ARMC2: variants seen among roughly 807,000 people sequenced by gnomAD.
ARMC2 encodes the protein armadillo repeat containing 2, also known as armadillo repeat-containing protein 2.
In ARMC2, 67 loss-of-function variants were observed where a neutral mutation model predicts 90.3. The observed-to-expected ratio is 0.74, with a 90% CI of 0.61 to 0.91. The LOEUF is 0.91. ARMC2 is among the 40% of genes least tolerant of loss of function. ARMC2 has a pLI of 0.00. For missense variants in ARMC2, 920 were observed against 1,030.9 expected (o/e 0.89, Z 1.47); for synonymous variants, 393 against 393.0 (o/e 1.00, Z 0.00).
chr6:108,942,223 C>T (rs1269117927), intron 12 of ARMC2, among the ~76,000 whole-genome samples: 1 of 152,190 alleles, frequency 6.6e-6, no homozygotes, highest in Non-Finnish European at 1.5e-5. Context: ...TGCTTTGGCA[C>T]CTGTAAGGTG....
the ARMC2 span, among the ~76,000 whole-genome samples, chr6:109,003,292 A>G: frequency 6.7e-6 from 1 of 149,662 alleles, no homozygotes; most frequent in Admixed American, 6.7e-5. Flanking sequence ...TACTCATATA[A>G]TTCTACTCTC....
chr6:108,975,236 A>G (rs908416716), downstream of ARMC2, among the ~76,000 whole-genome samples: 5 of 151,576 alleles, frequency 3.3e-5, no homozygotes, highest in African/African-American at 1.2e-4. Context: ...GCTCCCACTT[A>G]TGAATGAGAA....
At position 108,896,892 on chromosome 6, in the gene ARMC2, CAATT is replaced by C. The variant is rs563012358; in HGVS notation, c.748+2352_748+2355del. Reference sequence around the variant, plus strand: ...ATTTAAGTGTGTTATAAATATGTATCAATTAAATAACTCGCCTGACTTATTTTCT... The same window carrying C: ...ATTTAAGTGTGTTATAAATATGTATCAAATAACTCGCCTGACTTATTTTCT... On this transcript the variant is annotated intron_variant, in intron 6 of 17. Transcript: ENST00000392644. Among the ~76,000 whole-genome samples, 636 of 152,278 alleles carry C rather than the reference CAATT, an allele frequency of 4.2e-3. 3 individuals carry two copies. The highest frequency in any genetic ancestry group is 0.014 in the African/African-American group (596 of 41,552).
At chr6:108,944,347 A>G (rs993834167) in intron 12 of ARMC2, among the ~76,000 whole-genome samples, 6 of 152,338 alleles carry the variant, frequency 3.9e-5, no homozygotes, top group African/African-American at 1.4e-4. Flanking sequence ...AGGATGGTAC[A>G]TTAGTCTTTT....
chr6:108,893,619 A>G (rs1771313668), intron 5 of ARMC2, among the ~76,000 whole-genome samples: 2 of 152,258 alleles, frequency 1.3e-5, no homozygotes, highest in Admixed American at 1.3e-4. Context: ...TTGCAAAGTA[A>G]ACTGGATTTT....
the ARMC2 span, chr6:109,009,702 C>A: frequency 3.0e-6 from 1 of 337,052 alleles, no homozygotes; most frequent in South Asian, 1.2e-4. Flanking sequence ...AACTGGCGGT[C>A]TGACGCGGCG....
intron 10 of ARMC2, among the ~76,000 whole-genome samples, chr6:108,923,494 T>G (rs1270366704): frequency 6.6e-6 from 1 of 152,080 alleles, no homozygotes; most frequent in Non-Finnish European, 1.5e-5. Flanking sequence ...CTTGTTTTCT[T>G]TTTTTTAATT....
chr6:108,971,074 A>C (rs1472039902), intron 17 of ARMC2, among the ~76,000 whole-genome samples: 2 of 151,950 alleles, frequency 1.3e-5, no homozygotes, highest in East Asian at 3.9e-4. Context: ...AACACAAAAA[A>C]TTAGCCTGGT....
rs1008737636 is a variant in ARMC2 at position 108,962,018 on chromosome 6, C to G, written c.2043C>G (p.Leu681=). The G allele has an allele frequency of 1.2e-6, 2 of 1,607,404 alleles. No homozygotes were observed. The highest frequency in any genetic ancestry group is 2.7e-5 in the African/African-American group (2 of 74,714). The change falls in exon 15 of 18, where the codon CTC becomes CTG. Residue 681 remains leucine (L), a synonymous_variant. Transcript: ENST00000392644. The part of the protein sequence containing the change: ...QDKKLYIAEL[L]LKLLVSNNMD... ...TTCTCTGGTCGCCAAATCCAGTGCT[C>G]TTAAAGCTTCTTGTCAGTAACAACA...
chr6:108,880,991 G>T (rs1340747999), intron 5 of ARMC2, among the ~76,000 whole-genome samples: 1 of 151,994 alleles, frequency 6.6e-6, no homozygotes, highest in African/African-American at 2.4e-5. Flanking sequence ...CTGTAGCTGG[G>T]ATTACAGGCA....
At chr6:108,979,741 T>C in the ARMC2 span, among the ~76,000 whole-genome samples, 1 of 151,842 alleles carries the variant, frequency 6.6e-6, no homozygotes, top group Admixed American at 6.6e-5. Context: ...TTTCATTGAG[T>C]TGATCTTCAA....
intron 4 of ARMC2, among the ~76,000 whole-genome samples, chr6:108,872,386 T>C (rs1453392208): frequency 6.6e-6 from 1 of 152,170 alleles, no homozygotes; most frequent in East Asian, 1.9e-4. Context: ...CAGCCATCCC[T>C]GTCACACTCT....
intron 4 of ARMC2, among the ~76,000 whole-genome samples, chr6:108,875,661 T>C (rs1411140154): frequency 6.6e-6 from 1 of 152,220 alleles, no homozygotes; most frequent in Non-Finnish European, 1.5e-5. Flanking sequence ...ACCTTATTTA[T>C]TATGGTTATT....
the ARMC2 span, among the ~76,000 whole-genome samples, chr6:108,993,273 GATT>G: frequency 1.1e-4 from 17 of 150,570 alleles, no homozygotes; most frequent in Non-Finnish European, 2.4e-4. Flanking sequence ...TTAGCACTTA[GATT>G]ATTTTTGTTG....
At chr6:108,919,288 G>C (rs1774301200) in intron 10 of ARMC2, among the ~76,000 whole-genome samples, 1 of 152,164 alleles carries the variant, frequency 6.6e-6, no homozygotes, top group Non-Finnish European at 1.5e-5. Context: ...TTTGTATTTA[G>C]GTGTTTAGAT....
intron 4 of ARMC2, among the ~76,000 whole-genome samples, chr6:108,873,859 C>T (rs1213149825): frequency 6.6e-6 from 1 of 152,182 alleles, no homozygotes; most frequent in Non-Finnish European, 1.5e-5. Context: ...TGGCTGGGGT[C>T]ACACTGGGCT....
At chr6:109,021,937 A>G in the ARMC2 span, among the ~76,000 whole-genome samples, 5 of 152,282 alleles carry the variant, frequency 3.3e-5, no homozygotes, top group African/African-American at 1.2e-4. Flanking sequence ...CACATATACT[A>G]TATCTAAAGG....
At chr6:109,027,476 CAAAAAAAA>C in the ARMC2 span, among the ~76,000 whole-genome samples, 6 of 27,326 alleles carry the variant, frequency 2.2e-4, no homozygotes, top group South Asian at 1.7e-3. Context: ...GACTCTGTCT[CAAAAAAAA>C]AAAAAAAAAA....
At chr6:108,916,341 C>T (rs1315007212) in intron 10 of ARMC2, among the ~76,000 whole-genome samples, 2 of 152,148 alleles carry the variant, frequency 1.3e-5, no homozygotes, top group Admixed American at 6.5e-5. Context: ...GCTTATTCTT[C>T]TGCAAAATTA....
Sources: gnomAD v4.1 joint callset for allele counts (sites outside exome capture counted in the v4.1 genomes callset) on GRCh38, gnomAD v4.1.1 for gene constraint, MANE v1.5 for transcripts, NCBI Gene and HGNC (gene_info 2026-07-23, HGNC 2026-07-21) for gene names.